Variants in DCP2 observed in about 807,000 individuals in gnomAD.
DCP2 encodes m7GpppN-mRNA hydrolase.
DCP2 carries 30 observed loss-of-function variants against 56.1 expected under a neutral mutation model. That is an observed-to-expected ratio of 0.53 (90% CI 0.40 to 0.73). The LOEUF (loss-of-function observed/expected upper bound fraction) is 0.73, where lower values mean the gene tolerates loss of function less well. DCP2 is among the 30% of genes least tolerant of loss of function. The pLI, the probability that DCP2 is intolerant of heterozygous loss-of-function variation, is 0.00. For synonymous variants in DCP2, 197 were observed against 163.3 expected, an observed-to-expected ratio of 1.21 and a Z score of -1.57; for missense variants, 533 against 502.7, an observed-to-expected ratio of 1.06 and a Z score of -0.58.
intron 4 of DCP2, among the ~76,000 whole-genome samples, chr5:112,994,581 A>G (rs1459063230): frequency 6.6e-6 from 1 of 152,222 alleles, no homozygotes; most frequent in Non-Finnish European, 1.5e-5. Flanking sequence ...GTTCACTATT[A>G]TATAATACCT....
Position 113,001,358 on chromosome 5 carries a change from A to C in DCP2, c.587A>C (p.Asn196Thr). The change falls in exon 6 of 11, where the codon AAC becomes ACC. Residue 196 changes from asparagine to threonine, a missense_variant and splice_region_variant. Physicochemically the swap from Asn to Thr is moderately conservative, Grantham distance 65 (BLOSUM62 0). This residue lies in a region of DCP2 where 392 missense variants were observed against 346.6 expected (regional missense o/e 1.13). Coordinates refer to ENST00000389063, the MANE Select transcript of DCP2 (RefSeq NM_152624.6). Reference sequence around the variant, plus strand: ...GAATTATTTTCTTCTGTGTTTCAGAACATTGAGTGGTTCTCTATTGAGAAA... The same window carrying C: ...GAATTATTTTCTTCTGTGTTTCAGACCATTGAGTGGTTCTCTATTGAGAAA... ...FNPKTRREIR[N>T]IEWFSIEKLP... 1 of 1,609,176 alleles carries C rather than the reference A, an allele frequency of 6.2e-7. No homozygotes were observed. The highest frequency in any genetic ancestry group is 8.5e-7 in the Non-Finnish European group (1 of 1,178,556).
chr5:112,984,944 G>T (rs1748202400), intron 1 of DCP2, among the ~76,000 whole-genome samples: 1 of 151,498 alleles, frequency 6.6e-6, no homozygotes, highest in African/African-American at 2.4e-5. Context: ...TTGAAACTTG[G>T]AAACAGCCAA....
At chr5:113,002,751 G>A (rs1343276330) in intron 7 of DCP2, among the ~76,000 whole-genome samples, 1 of 152,044 alleles carries the variant, frequency 6.6e-6, no homozygotes, top group East Asian at 1.9e-4. Flanking sequence ...TTGAACTCTT[G>A]GGCTCCAGTG....
chr5:112,977,838 C>G (rs1363333397), intron 1 of DCP2, among the ~76,000 whole-genome samples: 1 of 151,912 alleles, frequency 6.6e-6, no homozygotes, highest in African/African-American at 2.4e-5. Context: ...AGTGATAACA[C>G]CTTTTCGTTC....
chr5:112,984,550 C>T (rs1027978645), intron 1 of DCP2: 1 of 151,766 alleles, frequency 6.6e-6, no homozygotes, highest in Admixed American at 6.6e-5. Flanking sequence ...CCCTTAAAAG[C>T]TCTGCCTAAC....
At chr5:112,989,495 A>G (rs754889823) in intron 2 of DCP2, among the ~76,000 whole-genome samples, 9 of 152,194 alleles carry the variant, frequency 5.9e-5, no homozygotes, top group Non-Finnish European at 1.3e-4. Context: ...TGTGAGGAAA[A>G]TCGGAGGAAA....
At position 113,018,798 on chromosome 5, in the gene DCP2, G is replaced by A. The variant is rs1350772233; in HGVS notation, c.*5314G>A. 4 of 152,108 alleles carry A rather than the reference G, an allele frequency of 2.6e-5. No individual in the cohort carries two copies. Among genetic ancestry groups the A allele is most frequent in the Admixed American group, 6.6e-5 (1 of 15,254 alleles). 9.4% of individuals were successfully genotyped at this position (152,108 alleles called of 1,614,324 possible). A position where few individuals can be genotyped will look rare whatever the true frequency, so the allele number is the denominator to read the frequency against. ...TCCCTGGTGTCTTACCCCTTCTGTA[G>A]AATAATCCATATTTTAAAATTTGTT... On this transcript the variant is annotated 3_prime_UTR_variant, in exon 11 of 11. Coordinates refer to ENST00000389063, the MANE Select transcript of DCP2 (RefSeq NM_152624.6).
rs1002321330 is a variant in DCP2, at chr5:113,017,966, G to A, written c.*4482G>A. 6.6e-6 allele frequency: 1 copy of A among 152,154 alleles called. No individual in the cohort carries two copies. The allele number at this position is 152,154 out of a possible 1,614,324, so 9.4% of individuals were successfully genotyped here. ...AATTTTTCTCACTTTAAAGACCAGTGATGAGGAGTCTGGTCCTTCCTGTAC... is the reference window on the plus strand; with the variant it reads ...AATTTTTCTCACTTTAAAGACCAGTAATGAGGAGTCTGGTCCTTCCTGTAC... On this transcript the variant is annotated 3_prime_UTR_variant, in exon 11 of 11. Coordinates refer to ENST00000389063, the MANE Select transcript of DCP2 (RefSeq NM_152624.6).
At chr5:113,001,796 TGGTCTCACA>T in intron 7 of DCP2, 122 bp downstream of exon 7, 1 of 870,774 alleles carries the variant, frequency 1.1e-6, no homozygotes. Flanking sequence ...TCTTTGTTAC[TGGTCTCACA>T]GATAATAGAA....
chr5:112,989,498 G>A (rs1283595242), intron 2 of DCP2, among the ~76,000 whole-genome samples: 1 of 151,880 alleles, frequency 6.6e-6, no homozygotes, highest in Admixed American at 6.6e-5. Flanking sequence ...GAGGAAAATC[G>A]GAGGAAATGA....
intron 7 of DCP2, 46 bp from the exon 8 acceptor site, chr5:113,003,896 T>A: frequency 6.2e-7 from 1 of 1,605,494 alleles, no homozygotes; most frequent in Non-Finnish European, 8.5e-7. Flanking sequence ...AAAAGAACTA[T>A]AAGTGAACAT....
intron 10 of DCP2, among the ~76,000 whole-genome samples, chr5:113,011,657 A>G (rs1047921557): frequency 4.6e-5 from 7 of 152,218 alleles, no homozygotes; most frequent in African/African-American, 1.4e-4. Flanking sequence ...TAACCCTATT[A>G]TGGAAAGTTA....
intron 7 of DCP2, among the ~76,000 whole-genome samples, chr5:113,003,682 ATT>A (rs961569626): frequency 1.3e-5 from 2 of 150,308 alleles, no homozygotes; most frequent in South Asian, 4.2e-4. Flanking sequence ...GGCCTGGATA[ATT>A]TTTTTAAGTC....
At chr5:113,004,364 C>T in intron 8 of DCP2, among the ~76,000 whole-genome samples, 1 of 152,194 alleles carries the variant, frequency 6.6e-6, no homozygotes, top group East Asian at 1.9e-4. Context: ...TCCAAATTAA[C>T]ACAAGTGGGA....
intron 1 of DCP2, among the ~76,000 whole-genome samples, chr5:112,981,795 G>C (rs545343574): frequency 6.6e-6 from 1 of 152,038 alleles, no homozygotes; most frequent in Non-Finnish European, 1.5e-5. Flanking sequence ...TTTTTGAGAC[G>C]GAGTCTTGCT....
chr5:112,980,377 C>T (rs1414333624), intron 1 of DCP2, among the ~76,000 whole-genome samples: 1 of 152,174 alleles, frequency 6.6e-6, no homozygotes, highest in Non-Finnish European at 1.5e-5. Flanking sequence ...AATTTGTGCT[C>T]ATCTTCAGCT....
At position 113,016,357 on chromosome 5, in the gene DCP2, T is replaced by C. The variant is rs1488155697; in HGVS notation, c.*2873T>C. On this transcript the variant is annotated 3_prime_UTR_variant, in exon 11 of 11. Transcript: ENST00000389063. ...TGATTAAAGATGTTGGAAAATGAAG[T>C]TGGATTTTTGTATTCATGTATAAAG... The C allele has an allele frequency of 6.6e-6, 1 of 152,458 alleles. No homozygotes were observed. Among genetic ancestry groups the C allele is most frequent in the African/African-American group, 2.4e-5 (1 of 41,436 alleles). The allele number at this position is 152,458 out of a possible 1,614,324, so 9.4% of individuals were successfully genotyped here. A position where few individuals can be genotyped will look rare whatever the true frequency, so the allele number is the denominator to read the frequency against.
chr5:113,005,298 A>G (rs1050635022), intron 8 of DCP2, among the ~76,000 whole-genome samples: 1 of 152,206 alleles, frequency 6.6e-6, no homozygotes, highest in Admixed American at 6.5e-5. Flanking sequence ...GAATATGTAA[A>G]GAATTCTTAG....
At chr5:112,979,076 A>G (rs1372419688) in intron 1 of DCP2, among the ~76,000 whole-genome samples, 1 of 152,196 alleles carries the variant, frequency 6.6e-6, no homozygotes, top group Non-Finnish European at 1.5e-5. Context: ...TTTGTAAACA[A>G]TATGTTAAGC....
Sources: allele counts gnomAD v4.1 joint callset (sites outside exome capture counted in the v4.1 genomes callset), GRCh38; gene constraint gnomAD v4.1.1; regional missense constraint gnomAD v4.1.1; transcripts MANE v1.5; gene names NCBI Gene and HGNC (gene_info 2026-07-23, HGNC 2026-07-21).